The following RFX4 variants were observed in gnomAD, a reference collection of about 807,000 sequenced individuals.
RFX4 encodes regulatory factor X4.
A neutral mutation model predicts 95.0 loss-of-function variants in RFX4; 10 were observed. The observed-to-expected ratio is 0.11, with a 90% CI of 0.06 to 0.18. The LOEUF is 0.18. RFX4 is among the 10% of genes least tolerant of loss of function. The pLI, the probability that RFX4 is intolerant of heterozygous loss-of-function variation, is 1.00. For synonymous variants in RFX4, 321 were observed against 340.7 expected (o/e 0.94, Z 0.64); for missense variants, 640 against 922.0 (o/e 0.69, Z 3.96).
intron 13 of RFX4, among the ~76,000 whole-genome samples, chr12:106,727,294 T>C (rs1467500301): frequency 2.6e-5 from 4 of 152,198 alleles, no homozygotes; most frequent in Non-Finnish European, 5.9e-5. Flanking sequence ...CAGGTATGGT[T>C]TTTAAAAAAC....
At chr12:106,706,740 A>T (rs1041545665) in intron 8 of RFX4, among the ~76,000 whole-genome samples, 2 of 152,218 alleles carry the variant, frequency 1.3e-5, no homozygotes, top group Non-Finnish European at 2.9e-5. Flanking sequence ...GGAAAAAAAT[A>T]TTTAAGAAAT....
At chr12:106,669,837 GGGGT>G (rs200568509) in intron 4 of RFX4, among the ~76,000 whole-genome samples, 34 of 54,526 alleles carry the variant, frequency 6.2e-4, no homozygotes, top group East Asian at 2.0e-3. Flanking sequence ...GTTTTTTCTA[GGGGT>G]GTGTGTGTGT....
At chr12:106,660,986 G>C (rs1246594277) in intron 4 of RFX4, among the ~76,000 whole-genome samples, 2 of 152,134 alleles carry the variant, frequency 1.3e-5, no homozygotes, top group Admixed American at 1.3e-4. Flanking sequence ...AACAGGTTGG[G>C]GACTGCTGCA....
intron 4 of RFX4, among the ~76,000 whole-genome samples, chr12:106,678,454 A>G (rs980930650): frequency 6.6e-6 from 1 of 152,266 alleles, no homozygotes; most frequent in African/African-American, 2.4e-5. Context: ...TTTATAGAAA[A>G]TAGGAAATGA....
chr12:106,628,256 T>C (rs759508588), intron 2 of RFX4, among the ~76,000 whole-genome samples: 3 of 152,176 alleles, frequency 2.0e-5, no homozygotes, highest in South Asian at 2.1e-4. Context: ...TTGAGCACAC[T>C]GCCAGGCCAG....
intron 1 of RFX4, among the ~76,000 whole-genome samples, chr12:106,585,175 C>G (rs1185302741): frequency 6.6e-6 from 1 of 152,246 alleles, no homozygotes; most frequent in African/African-American, 2.4e-5. Flanking sequence ...CATCCCAAAC[C>G]TGCAGTGGCC....
At chr12:106,733,582 A>C (rs531144278) in intron 15 of RFX4, 7 of 152,550 alleles carry the variant, frequency 4.6e-5, no homozygotes, top group African/African-American at 1.4e-4. Flanking sequence ...GAACTCTCTG[A>C]ATCAAAAACT....
chr12:106,607,576 G>A (rs2039863828), intron 1 of RFX4, among the ~76,000 whole-genome samples: 1 of 144,170 alleles, frequency 6.9e-6, no homozygotes, highest in Admixed American at 6.9e-5. Context: ...GGGGGGTGGG[G>A]TGGGGGGGGC....
intron 13 of RFX4, among the ~76,000 whole-genome samples, chr12:106,723,432 G>A (rs185808915): frequency 1.3e-5 from 2 of 152,256 alleles, no homozygotes; most frequent in Admixed American, 6.5e-5. Context: ...TGGGTTTTCA[G>A]CAAATGCCTG....
chr12:106,673,276 G>A (rs1178224187), intron 4 of RFX4, among the ~76,000 whole-genome samples: 2 of 152,190 alleles, frequency 1.3e-5, no homozygotes, highest in Admixed American at 1.3e-4. Flanking sequence ...TGGACCCCCT[G>A]CTCCGGCTCC....
chr12:106,599,249 G>A (rs1034076827), intron 1 of RFX4, among the ~76,000 whole-genome samples: 1 of 150,456 alleles, frequency 6.6e-6, no homozygotes, highest in African/African-American at 2.5e-5. Context: ...CCACTTTAGA[G>A]TTTTACATAT....
intron 2 of RFX4, among the ~76,000 whole-genome samples, chr12:106,632,336 C>T (rs993764871): frequency 2.0e-5 from 3 of 152,164 alleles, no homozygotes; most frequent in African/African-American, 7.2e-5. Context: ...GGACCATCAG[C>T]GGGGCACTGC....
chr12:106,752,312 C>A (rs1284113296), intron 17 of RFX4, among the ~76,000 whole-genome samples: 1 of 151,900 alleles, frequency 6.6e-6, no homozygotes, highest in Non-Finnish European at 1.5e-5. Flanking sequence ...TGTTTTGGTA[C>A]CAGTACCATG....
intron 17 of RFX4, among the ~76,000 whole-genome samples, chr12:106,755,745 T>G (rs1012608057): frequency 6.6e-6 from 1 of 152,214 alleles, no homozygotes; most frequent in African/African-American, 2.4e-5. Context: ...GTTCCAATTC[T>G]GAGTAACTGA....
chr12:106,762,177 C>T lies in RFX4; in HGVS notation c.*708C>T, dbSNP rs2043217094. 6.6e-6 allele frequency: 1 copy of T among 152,534 alleles called. No homozygotes were observed. Among genetic ancestry groups the T allele is most frequent in the African/African-American group, 2.4e-5 (1 of 41,434 alleles). The allele number at this position is 152,534 out of a possible 1,614,324, so 9.4% of individuals were successfully genotyped here. ...TGAGGTTTGTAGGAGACTGGTTCTT[C>T]TACATACAAGGATTTGTCTTAAGTT... is the stretch of plus-strand genomic sequence containing the variant. On this transcript the variant is annotated 3_prime_UTR_variant, in exon 18 of 18. Coordinates refer to ENST00000392842, the MANE Select transcript of RFX4 (RefSeq NM_213594.3).
chr12:106,744,887 G>C (rs550124445), intron 15 of RFX4, among the ~76,000 whole-genome samples: 2 of 152,324 alleles, frequency 1.3e-5, no homozygotes, highest in Non-Finnish European at 2.9e-5. Context: ...ACCGTCCTTA[G>C]AATCAAGATG....
At chr12:106,602,706 C>G (rs1258979967) in intron 1 of RFX4, among the ~76,000 whole-genome samples, 1 of 152,214 alleles carries the variant, frequency 6.6e-6, no homozygotes, top group Non-Finnish European at 1.5e-5. Context: ...ACCTTGCTCC[C>G]TCACTAAACT....
chr12:106,684,692 C>T, intron 5 of RFX4: 1 of 1,474,058 alleles, frequency 6.8e-7, no homozygotes, highest in South Asian at 1.4e-5. Context: ...CCTCCCCCAC[C>T]CACAGAGTGA....
At chr12:106,694,420 T>G (rs2041840563) in intron 7 of RFX4, among the ~76,000 whole-genome samples, 1 of 152,178 alleles carries the variant, frequency 6.6e-6, no homozygotes, top group Non-Finnish European at 1.5e-5. Flanking sequence ...AATTAGGCCC[T>G]ACTCCTTGGA....
Sources: gnomAD v4.1 joint callset for allele counts (sites outside exome capture counted in the v4.1 genomes callset) on GRCh38, gnomAD v4.1.1 for gene constraint, MANE v1.5 for transcripts, NCBI Gene and HGNC (gene_info 2026-07-23, HGNC 2026-07-21) for gene names.